Variants in MADD observed in about 807,000 individuals in gnomAD.
MADD encodes MAP kinase-activating death domain protein.
A neutral mutation model predicts 176.7 loss-of-function variants in MADD; 109 were observed. The ratio of observed to expected loss-of-function variants is 0.62; its 90% CI spans 0.53 to 0.72. The LOEUF (loss-of-function observed/expected upper bound fraction) is 0.72, where lower values mean the gene tolerates loss of function less well. Among genes scored for constraint, MADD ranks in the 30% least tolerant of loss-of-function variants. MADD has a pLI of 0.00. For missense variants in MADD, 1,914 were observed against 2,045.5 expected (o/e 0.94, Z 1.24); for synonymous variants, 771 against 771.3 (o/e 1.00, Z 0.01).
chr11:47,279,679 G>C (rs1017565155), intron 7 of MADD, among the ~76,000 whole-genome samples: 1 of 151,566 alleles, frequency 6.6e-6, no homozygotes, highest in South Asian at 2.1e-4. Context: ...GCGCCCGGCC[G>C]ATTTTCTCAG....
At chr11:47,297,639 G>A (rs1282666489) in intron 22 of MADD, among the ~76,000 whole-genome samples, 1 of 151,392 alleles carries the variant, frequency 6.6e-6, no homozygotes, top group African/African-American at 2.4e-5. Context: ...GTGGAGATGG[G>A]GTTTCACCAT....
intron 6 of MADD, among the ~76,000 whole-genome samples, chr11:47,278,649 A>G (rs1272725817): frequency 6.6e-6 from 1 of 152,140 alleles, no homozygotes; most frequent in Non-Finnish European, 1.5e-5. Context: ...GGCTTAATTA[A>G]TTATATGACC....
chr11:47,274,581 C>T (rs746888060), exon 3 of MADD: 39 of 1,612,198 alleles, frequency 2.4e-5, no homozygotes, highest in Non-Finnish European at 3.1e-5. Flanking sequence ...GCAGTGATAG[C>T]GTGGCCCAGA....
chr11:47,283,057 A>G (rs570143602), intron 10 of MADD, 88 bp downstream of exon 10: 39 of 1,177,092 alleles, frequency 3.3e-5, no homozygotes, highest in Non-Finnish European at 4.3e-5. Context: ...AAAGTCTCAT[A>G]GGCTTCCCAT....
chr11:47,276,577 A>T, intron 4 of MADD, 155 bp from the exon 5 acceptor site: 1 of 783,738 alleles, frequency 1.3e-6, no homozygotes, highest in Non-Finnish European at 2.1e-6. Flanking sequence ...CTGGATTGGG[A>T]GGTGGCAGGC....
At chr11:47,308,852 G>T (rs1310658731) in intron 23 of MADD, 128 bp from the exon 26 acceptor site, 28 of 1,057,906 alleles carry the variant, frequency 2.6e-5, no homozygotes, top group Middle Eastern at 2.0e-4. Context: ...GACTTACTGG[G>T]TCCAGAACAA....
chr11:47,329,352 C>A (rs1315144680), exon 33 of MADD: 5 of 585,518 alleles, frequency 8.5e-6, no homozygotes, highest in Non-Finnish European at 1.2e-5. Flanking sequence ...TCTCCACTCC[C>A]AGAAGACCAA....
At chr11:47,289,411 G>T in exon 16 of MADD, 3 of 1,614,126 alleles carry the variant, frequency 1.9e-6, no homozygotes, top group Non-Finnish European at 1.7e-6. Flanking sequence ...GGCGTTAGTG[G>T]ATCAGAAGTC....
At position 47,295,522 on chromosome 11, in the gene MADD, C is replaced by T. The variant is rs759889812; in HGVS notation, c.3429C>T (p.Gly1143=). Residue 1143 remains glycine (G), a synonymous_variant, in exon 21 of 33, where the codon GGC becomes GGT. Transcript: ENST00000402192. ...GGACTGATCAAGACTCTGTCATCGGCGTGAGTCCAGCTGTTATGATCCGCA... is the reference window on the plus strand; with the variant it reads ...GGACTGATCAAGACTCTGTCATCGGTGTGAGTCCAGCTGTTATGATCCGCA... 52 of 1,613,894 alleles carry T rather than the reference C, an allele frequency of 3.2e-5. 1 individual carries two copies. Among genetic ancestry groups the T allele is most frequent in the South Asian group, 2.6e-4 (24 of 91,076 alleles).
At chr11:47,328,331 C>T in intron 31 of MADD, 1 of 1,267,680 alleles carries the variant, frequency 7.9e-7, no homozygotes, top group Non-Finnish European at 1.0e-6. Context: ...GGGCCCTGGA[C>T]AGTAGCTGTG....
intron 31 of MADD, chr11:47,327,644 C>G (rs986670735): frequency 1.0e-6 from 1 of 985,244 alleles, no homozygotes; most frequent in African/African-American, 1.7e-5. Context: ...CTTCTCTCTT[C>G]TGTCAGAGAG....
intron 22 of MADD, among the ~76,000 whole-genome samples, chr11:47,308,295 G>A (rs1697141955): frequency 6.6e-6 from 1 of 152,216 alleles, no homozygotes; most frequent in Admixed American, 6.5e-5. Context: ...GGTTCTTTCT[G>A]CTGTGTTATG....
At chr11:47,317,755 A>AT (rs2093479774) in intron 27 of MADD, among the ~76,000 whole-genome samples, 1 of 150,466 alleles carries the variant, frequency 6.6e-6, no homozygotes, top group African/African-American at 2.4e-5. Context: ...ACACACATAA[A>AT]TTTTTTATTT....
chr11:47,314,693 C>T (rs1238693697), intron 26 of MADD, among the ~76,000 whole-genome samples: 1 of 152,144 alleles, frequency 6.6e-6, no homozygotes, highest in Admixed American at 6.5e-5. Context: ...TATGAAAATC[C>T]TCTTCCATTT....
intron 22 of MADD, among the ~76,000 whole-genome samples, chr11:47,299,412 T>G (rs907028447): frequency 6.6e-6 from 1 of 152,036 alleles, no homozygotes; most frequent in South Asian, 2.1e-4. Context: ...TAAGAATTTA[T>G]TCTTAGGGCA....
At chr11:47,290,933 G>A in intron 19 of MADD, 117 bp downstream of exon 20, 1 of 809,830 alleles carries the variant, frequency 1.2e-6, no homozygotes, top group Non-Finnish European at 1.9e-6. Flanking sequence ...CTTAGAGAGG[G>A]AAGGGGGCCT....
chr11:47,275,964 A>G (rs777342280), exon 4 of MADD: 8 of 1,614,120 alleles, frequency 5.0e-6, no homozygotes, highest in Non-Finnish European at 6.8e-6. Context: ...GCCCTTCTGC[A>G]TGACCTTCGA....
chr11:47,299,236 T>C (rs2075618825), intron 22 of MADD, among the ~76,000 whole-genome samples: 1 of 152,186 alleles, frequency 6.6e-6, no homozygotes, highest in African/African-American at 2.4e-5. Flanking sequence ...GGGATTGCAT[T>C]GAATCTGTAG....
At chr11:47,319,492 A>G (rs1174769147) in intron 27 of MADD, among the ~76,000 whole-genome samples, 1 of 152,150 alleles carries the variant, frequency 6.6e-6, no homozygotes, top group Non-Finnish European at 1.5e-5. Flanking sequence ...AAAACAGTAT[A>G]TGCTGTAAAT....
Sources: gnomAD v4.1 joint callset for allele counts (sites outside exome capture counted in the v4.1 genomes callset) on GRCh38, gnomAD v4.1.1 for gene constraint, MANE v1.5 for transcripts, NCBI Gene and HGNC (gene_info 2026-07-23, HGNC 2026-07-21) for gene names.